SRGAP1: variants seen among roughly 807,000 people sequenced by gnomAD.
SRGAP1 encodes SLIT-ROBO Rho GTPase activating protein 1, also known as SLIT-ROBO Rho GTPase-activating protein 1.
A neutral mutation model predicts 121.9 loss-of-function variants in SRGAP1; 43 were observed. That is an observed-to-expected ratio of 0.35 (90% confidence interval 0.28 to 0.46). SRGAP1 has a LOEUF of 0.46. Among genes scored for constraint, SRGAP1 ranks in the 20% least tolerant of loss-of-function variants. The pLI, the probability that SRGAP1 is intolerant of heterozygous loss-of-function variation, is 1.00. For missense variants in SRGAP1, 1,102 were observed against 1,350.9 expected (o/e 0.82, Z 2.89); for synonymous variants, 447 against 485.4 (o/e 0.92, Z 1.04).
intron 1 of SRGAP1, among the ~76,000 whole-genome samples, chr12:63,859,900 G>A (rs181671349): frequency 6.6e-6 from 1 of 152,000 alleles, no homozygotes; most frequent in Non-Finnish European, 1.5e-5. Flanking sequence ...TACCTTTGCT[G>A]CATCTCACTA....
At chr12:64,033,760 G>A (rs1172265929) in intron 4 of SRGAP1, among the ~76,000 whole-genome samples, 4 of 152,076 alleles carry the variant, frequency 2.6e-5, no homozygotes, top group South Asian at 2.1e-4. Context: ...GATGGCTCAC[G>A]CCTATAATCC....
intron 1 of SRGAP1, among the ~76,000 whole-genome samples, chr12:63,980,596 CTT>C (rs1289101775): frequency 1.9e-4 from 26 of 136,256 alleles, no homozygotes; most frequent in Admixed American, 2.9e-4. Context: ...CGAGATGTTT[CTT>C]TTTTTTTTTT....
intron 3 of SRGAP1, among the ~76,000 whole-genome samples, chr12:63,996,986 T>C (rs1320909724): frequency 6.6e-6 from 1 of 152,138 alleles, no homozygotes; most frequent in Non-Finnish European, 1.5e-5. Context: ...GCTCTCTGAA[T>C]AGCAATTATT....
intron 8 of SRGAP1, among the ~76,000 whole-genome samples, chr12:64,070,131 T>A (rs1364269430): frequency 6.6e-6 from 1 of 152,226 alleles, no homozygotes; most frequent in African/African-American, 2.4e-5. Flanking sequence ...ATTATAAACA[T>A]TTATTGCACT....
intron 15 of SRGAP1, 76 bp downstream of exon 15, chr12:64,097,451 C>T: frequency 6.7e-7 from 1 of 1,495,138 alleles, no homozygotes; most frequent in South Asian, 1.2e-5. Context: ...GCAGTGGCCC[C>T]CCTCCATACA....
At chr12:63,847,103 CG>C (rs2136249421) in intron 1 of SRGAP1, among the ~76,000 whole-genome samples, 1 of 152,110 alleles carries the variant, frequency 6.6e-6, no homozygotes, top group Admixed American at 6.5e-5. Flanking sequence ...CTGAGGCAGG[CG>C]GATCACTTGG....
rs1181940274 is a variant in SRGAP1 at position 63,993,050 on chromosome 12, G to C, written c.426+2978G>C. On this transcript the variant is annotated intron_variant, in intron 3 of 21. Coordinates refer to ENST00000355086, the MANE Select transcript of SRGAP1 (RefSeq NM_020762.4). ...TTATTGCTGGAAGAGGAAAGAACAA[G>C]AGAGGCAAAGGACACAGGGAGAAAT... Among the ~76,000 whole-genome samples the C allele has an allele frequency of 1.4e-4, 22 of 152,190 alleles. 1 individual carries two copies. Among genetic ancestry groups the C allele is most frequent in the Non-Finnish European group, 1.5e-5 (1 of 68,026 alleles).
At chr12:63,903,802 T>C (rs2030057997) in intron 1 of SRGAP1, among the ~76,000 whole-genome samples, 1 of 151,978 alleles carries the variant, frequency 6.6e-6, no homozygotes, top group Non-Finnish European at 1.5e-5. Flanking sequence ...ACCTGGCTAA[T>C]TTTTGTATTT....
At chr12:64,045,410 T>C (rs971205498) in intron 6 of SRGAP1, among the ~76,000 whole-genome samples, 1 of 152,054 alleles carries the variant, frequency 6.6e-6, no homozygotes, top group African/African-American at 2.4e-5. Flanking sequence ...TTCGTAGTGA[T>C]TGGAGTACTT....
intron 1 of SRGAP1, among the ~76,000 whole-genome samples, chr12:63,865,733 T>G (rs558565014): frequency 5.3e-5 from 8 of 152,318 alleles, no homozygotes; most frequent in Admixed American, 4.6e-4. Context: ...GCCTTTCCTA[T>G]TGACCAGTGC....
At position 63,951,152 on chromosome 12, in the gene SRGAP1, C is replaced by CTTTTTTTTT. The variant is rs58637983; in HGVS notation, c.68-32774_68-32766dup. 7.7e-4 allele frequency among the ~76,000 whole-genome samples: 34 copies of CTTTTTTTTT among 44,184 alleles called. 6 individuals carry two copies. The highest frequency in any genetic ancestry group is 2.7e-3 in the African/African-American group (32 of 11,920). The allele number at this position is 44,184 out of a possible 152,430, so 29.0% of individuals were successfully genotyped here. A position where few individuals can be genotyped will look rare whatever the true frequency, so the allele number is the denominator to read the frequency against. On this transcript the variant is annotated intron_variant, in intron 1 of 21. Coordinates refer to ENST00000355086, the MANE Select transcript of SRGAP1 (RefSeq NM_020762.4). ...GGGCTGGTCCATGCCATTTAGAACT[C>CTTTTTTTTT]TTTTTTTTTTTTTTTTTTTTTTTTT...
chr12:63,949,381 C>T, intron 1 of SRGAP1, among the ~76,000 whole-genome samples: 1 of 137,702 alleles, frequency 7.3e-6, no homozygotes, highest in African/African-American at 2.7e-5. Flanking sequence ...TGTCTTGGAT[C>T]AGACATTTTT....
intron 15 of SRGAP1, among the ~76,000 whole-genome samples, chr12:64,106,342 T>C (rs2036345509): frequency 1.3e-5 from 2 of 152,236 alleles, no homozygotes; most frequent in Non-Finnish European, 1.5e-5. Flanking sequence ...TGCTAAATCA[T>C]CTTTGTCTTC....
intron 3 of SRGAP1, among the ~76,000 whole-genome samples, chr12:64,005,580 A>G (rs905002095): frequency 6.6e-6 from 1 of 152,296 alleles, no homozygotes; most frequent in South Asian, 2.1e-4. Flanking sequence ...CAAGAATTCA[A>G]GGCTGCAGTG....
At chr12:63,980,163 G>A (rs956061494) in intron 1 of SRGAP1, among the ~76,000 whole-genome samples, 2 of 152,144 alleles carry the variant, frequency 1.3e-5, no homozygotes, top group African/African-American at 2.4e-5. Flanking sequence ...AGCGATCCTT[G>A]CACCTCAGCC....
intron 9 of SRGAP1, among the ~76,000 whole-genome samples, chr12:64,079,899 G>C (rs919913057): frequency 6.6e-6 from 1 of 152,056 alleles, no homozygotes; most frequent in Admixed American, 6.5e-5. Flanking sequence ...GATCAAAGTG[G>C]CTGGATTTTA....
At chr12:63,856,567 A>G (rs1899258662) in intron 1 of SRGAP1, among the ~76,000 whole-genome samples, 1 of 150,244 alleles carries the variant, frequency 6.7e-6, no homozygotes, top group South Asian at 2.1e-4. Flanking sequence ...TTTTTGAAGA[A>G]ATGATATGCT....
chr12:63,980,615 A>G (rs1388966035), intron 1 of SRGAP1, among the ~76,000 whole-genome samples: 3 of 144,650 alleles, frequency 2.1e-5, no homozygotes, highest in Non-Finnish European at 4.5e-5. Context: ...TTTTTTTGAG[A>G]TGGAGTCTCG....
intron 1 of SRGAP1, among the ~76,000 whole-genome samples, chr12:63,903,426 A>G (rs982067699): frequency 2.6e-5 from 4 of 152,076 alleles, no homozygotes; most frequent in Non-Finnish European, 5.9e-5. Flanking sequence ...TTGTATTTTT[A>G]GTAGAGACAG....
Sources: allele counts gnomAD v4.1 joint callset (sites outside exome capture counted in the v4.1 genomes callset), GRCh38; gene constraint gnomAD v4.1.1; transcripts MANE v1.5; gene names NCBI Gene and HGNC (gene_info 2026-07-23, HGNC 2026-07-21).